The following RYR2 variants were observed in gnomAD, a reference collection of about 807,000 sequenced individuals.
RYR2 encodes the protein cardiac muscle ryanodine receptor-calcium release channel.
Under a neutral mutation model 601.1 loss-of-function variants are expected in RYR2, and 227 were observed. That is an observed-to-expected ratio of 0.38 (90% confidence interval 0.34 to 0.42). The LOEUF (loss-of-function observed/expected upper bound fraction) is 0.42, where lower values mean the gene tolerates loss of function less well. Ranked by LOEUF, RYR2 falls within the 10% of genes least tolerant of loss-of-function variation. RYR2 has a pLI of 1.00. For missense variants in RYR2, 4,646 were observed against 6,156.5 expected (o/e 0.75, Z 8.21); for synonymous variants, 2,223 against 2,175.1 (o/e 1.02, Z -0.61).
At chr1:237,571,535 GA>G (rs950956623) in intron 29 of RYR2, among the ~76,000 whole-genome samples, 1 of 151,864 alleles carries the variant, frequency 6.6e-6, no homozygotes, top group African/African-American at 2.4e-5. Flanking sequence ...GGCTGGTCTC[GA>G]ACTCCTGACC....
intron 1 of RYR2, among the ~76,000 whole-genome samples, chr1:237,069,013 A>G (rs901216965): frequency 2.6e-5 from 4 of 152,216 alleles, no homozygotes; most frequent in East Asian, 1.9e-4. Context: ...GAAGTTATAA[A>G]TGTAAGAAAA....
At chr1:237,540,579 T>C (rs1572788419) in intron 25 of RYR2, among the ~76,000 whole-genome samples, 1 of 152,184 alleles carries the variant, frequency 6.6e-6, no homozygotes, top group South Asian at 2.1e-4. Flanking sequence ...TGGTGGCAGG[T>C]GCCTGTAATC....
chr1:237,660,354 ATCT>A (rs1683662405), intron 55 of RYR2, among the ~76,000 whole-genome samples: 1 of 151,974 alleles, frequency 6.6e-6, no homozygotes, highest in Non-Finnish European at 1.5e-5. Context: ...ACTTTAAAAA[ATCT>A]TCTTATCATG....
intron 1 of RYR2, among the ~76,000 whole-genome samples, chr1:237,223,892 AC>A (rs1294432920): frequency 2.0e-5 from 3 of 152,170 alleles, no homozygotes; most frequent in African/African-American, 7.2e-5. Context: ...GTAAGGCAAA[AC>A]TTTTTCAGGT....
chr1:237,103,047 T>G (rs1388264570), intron 1 of RYR2, among the ~76,000 whole-genome samples: 1 of 152,170 alleles, frequency 6.6e-6, no homozygotes, highest in Admixed American at 6.5e-5. Flanking sequence ...ACAGTTTTAT[T>G]TGAACCCAAG....
intron 32 of RYR2, among the ~76,000 whole-genome samples, chr1:237,592,667 T>C (rs1675344750): frequency 6.7e-6 from 1 of 148,628 alleles, no homozygotes. Context: ...GTTCAAAATG[T>C]TATGTGTCAG....
chr1:237,165,532 A>C (rs1045479916), intron 1 of RYR2, among the ~76,000 whole-genome samples: 3 of 152,148 alleles, frequency 2.0e-5, no homozygotes, highest in Non-Finnish European at 4.4e-5. Context: ...AAATTATATA[A>C]TATTGTTTAA....
At chr1:237,548,332 A>G (rs1164535058) in intron 25 of RYR2, 99 bp from the exon 26 acceptor site, 4 of 1,288,760 alleles carry the variant, frequency 3.1e-6, no homozygotes, top group Non-Finnish European at 4.3e-6. Context: ...ACTGTGGTTT[A>G]TGGAAGAACA....
chr1:237,765,349 G>C (rs1693766633), intron 84 of RYR2, among the ~76,000 whole-genome samples: 1 of 151,738 alleles, frequency 6.6e-6, no homozygotes, highest in Non-Finnish European at 1.5e-5. Context: ...GGTAGTCCTG[G>C]ACTTCATAAA....
At chr1:237,402,387 T>A (rs1703425952) in intron 10 of RYR2, among the ~76,000 whole-genome samples, 1 of 148,206 alleles carries the variant, frequency 6.7e-6, no homozygotes, top group African/African-American at 2.5e-5. Flanking sequence ...ACCCTATCTC[T>A]TAAAAAAAAA....
At chr1:237,176,251 AT>A (rs1558371721) in intron 1 of RYR2, among the ~76,000 whole-genome samples, 11 of 127,002 alleles carry the variant, frequency 8.7e-5, no homozygotes, top group African/African-American at 3.0e-4. Context: ...TGAAAAAAAT[AT>A]ATATATATAT....
chr1:237,633,127 C>A (rs1680521735), intron 42 of RYR2, among the ~76,000 whole-genome samples: 1 of 152,192 alleles, frequency 6.6e-6, no homozygotes, highest in African/African-American at 2.4e-5. Flanking sequence ...TAAGAACATC[C>A]TATTATATGT....
chr1:237,641,441 T>C (rs1380045405), intron 47 of RYR2, among the ~76,000 whole-genome samples: 1 of 151,538 alleles, frequency 6.6e-6, no homozygotes, highest in Non-Finnish European at 1.5e-5. Context: ...TATTAAGAGC[T>C]ATTTAGACCA....
At chr1:237,112,445 G>A (rs1669593808) in intron 1 of RYR2, among the ~76,000 whole-genome samples, 1 of 151,914 alleles carries the variant, frequency 6.6e-6, no homozygotes, top group South Asian at 2.1e-4. Flanking sequence ...CTGCTCTTTA[G>A]TTAGCTGGCC....
intron 63 of RYR2, among the ~76,000 whole-genome samples, chr1:237,692,964 G>C (rs1242569948): frequency 6.6e-6 from 1 of 152,146 alleles, no homozygotes; most frequent in Admixed American, 6.5e-5. Flanking sequence ...CTGGCACACA[G>C]TAAATATTTT....
rs145968528 is a variant in RYR2 at position 237,585,454 on chromosome 1, A to C, written c.3599-4339A>C. 6.8e-3 allele frequency among the ~76,000 whole-genome samples: 1,033 copies of C among 152,298 alleles called. 9 individuals carry two copies. The highest frequency in any genetic ancestry group is 0.031 in the Middle Eastern group (9 of 294). ...ATTGGCGACCTCTTCATTACGCAGG[A>C]TACTTTGTCATGTACTGAACAAAGG... On this transcript the variant is annotated intron_variant, in intron 29 of 104. Coordinates refer to ENST00000366574, the MANE Select transcript of RYR2 (RefSeq NM_001035.3).
chr1:237,627,994 C>T lies in RYR2; in HGVS notation c.6354C>T (p.Asn2118=). The stretch of plus-strand genomic sequence containing the variant: ...GTGTGTCCGTGGAGGACACCATCAA[C>T]CTGCTGGCATCCCTTGGTCAGATTC... ...INGVSVEDTI[N]LLASLGQIRS... The change falls in exon 41 of 105, where the codon AAC becomes AAT. Residue 2118 remains asparagine (N), a synonymous_variant. Transcript: ENST00000366574. 6.2e-7 allele frequency: 1 copy of T among 1,613,914 alleles called. No individual in the cohort carries two copies.
Position 237,717,373 on chromosome 1 carries a change from GTC to G in RYR2, c.10494+8_10494+9del, listed in dbSNP as rs760691531. 1.3e-6 allele frequency: 2 copies of G among 1,595,180 alleles called. No individual in the cohort carries two copies. Among genetic ancestry groups the G allele is most frequent in the Non-Finnish European group, 1.7e-6 (2 of 1,169,448 alleles). ...GCCAAAAATCGATTTAGCCTGGTAA[GTC>G]TCCTTTTCATCCCAGCGGTAATGAT... is the stretch of plus-strand genomic sequence containing the variant. On this transcript the variant is annotated splice_donor_region_variant and intron_variant, in intron 72 of 104. Transcript: ENST00000366574.
intron 1 of RYR2, among the ~76,000 whole-genome samples, chr1:237,136,605 G>A (rs1289729987): frequency 3.3e-5 from 5 of 152,196 alleles, no homozygotes; most frequent in African/African-American, 7.2e-5. Flanking sequence ...ACCAGGCTGT[G>A]TATGGGAAGG....
Sources: gnomAD v4.1 joint callset for allele counts (sites outside exome capture counted in the v4.1 genomes callset) on GRCh38, gnomAD v4.1.1 for gene constraint, MANE v1.5 for transcripts, NCBI Gene and HGNC (gene_info 2026-07-23, HGNC 2026-07-21) for gene names.